NBPF9: variants seen among roughly 807,000 people sequenced by gnomAD.
NBPF9 encodes the protein NBPF member 9.
In NBPF9, 91 loss-of-function variants were observed where a neutral mutation model predicts 97.8. The ratio of observed to expected loss-of-function variants is 0.93; its 90% confidence interval spans 0.79 to 1.11. The LOEUF (loss-of-function observed/expected upper bound fraction) is 1.11. Ranked by LOEUF, NBPF9 falls within the 50% of genes least tolerant of loss-of-function variation. NBPF9 has a pLI of 0.00. For synonymous variants in NBPF9, 334 were observed against 359.5 expected, an observed-to-expected ratio of 0.93 and a Z score of 0.80; for missense variants, 992 against 939.5, an observed-to-expected ratio of 1.06 and a Z score of -0.73.
At chr1:149,068,944 A>T (rs2079198047) in intron 17 of NBPF9, among the ~76,000 whole-genome samples, 1 of 152,010 alleles carries the variant, frequency 6.6e-6, no homozygotes, top group Admixed American at 6.6e-5. Context: ...AGTGCAATCA[A>T]ATTAGAACTC....
chr1:149,097,035 AGGAAGAAAGGAAAGAATGGAGGGAG>A (rs2081812888), intron 4 of NBPF9, among the ~76,000 whole-genome samples: 1 of 150,502 alleles, frequency 6.6e-6, no homozygotes, highest in African/African-American at 2.5e-5. Flanking sequence ...AAAAGAAGAA[AGGAAGAAAGGAAAGAATGGAGGGAG>A]GGAAGGAAGG....
At chr1:149,062,474 A>T (rs1187640104) in intron 21 of NBPF9, among the ~76,000 whole-genome samples, 1 of 144,540 alleles carries the variant, frequency 6.9e-6, no homozygotes. Flanking sequence ...GGAGAGAGAG[A>T]GAGAGGAGAA....
At chr1:149,092,392 C>T (rs1172027848) in intron 4 of NBPF9, among the ~76,000 whole-genome samples, 5 of 129,784 alleles carry the variant, frequency 3.9e-5, no homozygotes, top group South Asian at 2.6e-4. Context: ...ACTGTCTCCC[C>T]GCTGACAGCC....
intron 4 of NBPF9, among the ~76,000 whole-genome samples, chr1:149,097,856 C>A (rs1164603796): frequency 4.6e-5 from 7 of 152,150 alleles, no homozygotes; most frequent in Non-Finnish European, 8.8e-5. Flanking sequence ...AATTCTAAGT[C>A]CCACAGGATT....
At chr1:149,079,702 A>T (rs1462300804) in intron 8 of NBPF9, among the ~76,000 whole-genome samples, 1 of 151,758 alleles carries the variant, frequency 6.6e-6, no homozygotes, top group South Asian at 2.1e-4. Flanking sequence ...AGCCGCAGTC[A>T]GTCAGGAGGT....
In NBPF9 at chr1:149,077,262, CA is replaced by C. The variant is rs2079960200; in HGVS notation, c.723del (p.Val242Ter). 2.5e-6 allele frequency: 4 copies of C among 1,588,356 alleles called. 1 individual carries two copies. Among genetic ancestry groups the C allele is most frequent in the South Asian group, 1.1e-5 (1 of 90,630 alleles). The stretch of plus-strand genomic sequence containing the variant: ...TCATCATGAGAGGATTCTCTGTCTA[CA>C]ACCAGAGTTGAGTTGACTTCGTCTT... On this transcript the variant is annotated frameshift_variant, in exon 11 of 30. Transcript: ENST00000584027. LOFTEE classifies it high-confidence loss of function.
chr1:149,081,076 C>G (rs1284592753), intron 7 of NBPF9, among the ~76,000 whole-genome samples: 1 of 152,004 alleles, frequency 6.6e-6, no homozygotes, highest in Non-Finnish European at 1.5e-5. Flanking sequence ...GGACTTCACT[C>G]TCACCAAGGT....
chr1:149,076,716 G>T (rs187327006), intron 11 of NBPF9, among the ~76,000 whole-genome samples: 43 of 148,136 alleles, frequency 2.9e-4, no homozygotes, highest in African/African-American at 1.1e-3. Flanking sequence ...CACCGTGTTA[G>T]CCAGGATGGT....
chr1:149,085,883 T>A (rs1283624178), intron 5 of NBPF9, among the ~76,000 whole-genome samples: 1 of 151,872 alleles, frequency 6.6e-6, no homozygotes, highest in Non-Finnish European at 1.5e-5. Flanking sequence ...AAATTCCCTA[T>A]GCCCCAAAGT....
At chr1:149,072,895 G>A (rs782373608) in exon 14 of NBPF9, 11 of 1,607,066 alleles carry the variant, frequency 6.8e-6, no homozygotes, top group African/African-American at 2.7e-5. Context: ...AACTGGGTCA[G>A]CTCTCGTTCC....
At position 149,072,930 on chromosome 1, in the gene NBPF9, T is replaced by G. The variant is rs781918222; in HGVS notation, c.1094A>C (p.Gln365Pro). Residue 365 changes from glutamine to proline, a missense_variant and splice_region_variant, in exon 14 of 30, where the codon CAA becomes CCA. Transcript: ENST00000584027. ...CTGAGCGTGAACCAGGACTTTATAT[T>G]GCCTAAGGTGAGATGGTAGAGAAAA... is the stretch of plus-strand genomic sequence containing the variant. 3 of 1,606,762 alleles carry G rather than the reference T, an allele frequency of 1.9e-6. No homozygotes were observed. In the Admixed American group the frequency reaches 5.0e-5, roughly 27 times the overall value.
intron 5 of NBPF9, among the ~76,000 whole-genome samples, chr1:149,085,197 TGTGTGGCTGG>T (rs2080889917): frequency 6.6e-6 from 1 of 152,042 alleles, no homozygotes; most frequent in South Asian, 2.1e-4. Context: ...ACCCCTCCTG[TGTGTGGCTGG>T]AAAACTTTTT....
chr1:149,097,546 G>A (rs1559546777), intron 4 of NBPF9, among the ~76,000 whole-genome samples: 1 of 152,094 alleles, frequency 6.6e-6, no homozygotes, highest in African/African-American at 2.4e-5. Flanking sequence ...TCAGCCCCTG[G>A]GTCTGACATC....
chr1:149,102,000 C>G (rs1222673528), intron 2 of NBPF9, among the ~76,000 whole-genome samples: 7 of 116,126 alleles, frequency 6.0e-5, no homozygotes, highest in Non-Finnish European at 1.8e-5. Context: ...ATGATCACGG[C>G]TCACTGCAAT....
intron 5 of NBPF9, among the ~76,000 whole-genome samples, chr1:149,084,654 G>A (rs2940057): frequency 1.3e-5 from 2 of 151,358 alleles, no homozygotes; most frequent in Non-Finnish European, 2.9e-5. Context: ...GTTAGGACAC[G>A]GCCATTGTGG....
chr1:149,094,077 G>A (rs1463679237), intron 4 of NBPF9, among the ~76,000 whole-genome samples: 3 of 151,964 alleles, frequency 2.0e-5, no homozygotes, highest in Non-Finnish European at 4.4e-5. Context: ...GGAGGTTGCA[G>A]TGAGCTGAGA....
rs1475488585 is a variant in NBPF9, at chr1:149,061,117, G to C, written c.2303+215C>G. On this transcript the variant is annotated intron_variant, in intron 23 of 29. Coordinates refer to ENST00000584027, the Ensembl canonical transcript of NBPF9. ...TCGCCATGAGAATAGAGTTTTTGAA[G>C]TCTGGTCCACCTACAGTAGGTTAGT... 3,460 of 396,888 alleles carry C rather than the reference G, an allele frequency of 8.7e-3. 1,038 individuals carry two copies. Among genetic ancestry groups the C allele is most frequent in the Non-Finnish European group, 0.013 (2,742 of 214,558 alleles). The allele number at this position is 396,888 out of a possible 1,614,324, so 24.6% of individuals were successfully genotyped here.
At position 149,059,250 on chromosome 1, in the gene NBPF9, A is replaced by C; in HGVS notation, c.2586-153T>G. ...TGAATTATTGCCTTTAGGTTGGGAT[A>C]GACCAGGGCCAGGTAGAAAAGAATG... On this transcript the variant is annotated intron_variant, in intron 25 of 29. Transcript: ENST00000584027. The C allele has an allele frequency of 8.7e-6, 4 of 462,378 alleles. 1 individual carries two copies. The highest frequency in any genetic ancestry group is 3.5e-5 in the Admixed American group (1 of 28,924). The allele number at this position is 462,378 out of a possible 1,614,324, so 28.6% of individuals were successfully genotyped here.
intron 13 of NBPF9, 132 bp downstream of exon 13, chr1:149,073,636 T>G (rs1283425100): frequency 2.7e-6 from 2 of 734,600 alleles, no homozygotes; most frequent in African/African-American, 3.5e-5. Flanking sequence ...AATATTTGTG[T>G]GTAGCGAGCC....
Sources: gnomAD v4.1 joint callset for allele counts (sites outside exome capture counted in the v4.1 genomes callset) on GRCh38, gnomAD v4.1.1 for gene constraint, MANE v1.5 for transcripts, NCBI Gene and HGNC (gene_info 2026-07-23, HGNC 2026-07-21) for gene names.